The following ZHX2 variants were observed in gnomAD, a reference collection of about 807,000 sequenced individuals.
ZHX2 encodes zinc fingers and homeoboxes 2, also known as zinc fingers and homeoboxes protein 2.
A neutral mutation model predicts 21.9 loss-of-function variants in ZHX2; 6 were observed. That is an observed-to-expected ratio of 0.27 (90% confidence interval 0.15 to 0.54). The LOEUF is 0.54. ZHX2 is among the 20% of genes least tolerant of loss of function. The pLI is 0.95. For synonymous variants in ZHX2, 434 were observed against 437.1 expected, an observed-to-expected ratio of 0.99 and a Z score of 0.09; for missense variants, 908 against 1,090.7, an observed-to-expected ratio of 0.83 and a Z score of 2.36.
chr8:122,857,372 AAAAT>A (rs1476861312), intron 1 of ZHX2, among the ~76,000 whole-genome samples: 1 of 152,018 alleles, frequency 6.6e-6, no homozygotes, highest in Non-Finnish European at 1.5e-5. Context: ...AAAAAAAAAA[AAAAT>A]AGATGCTGCC....
Position 122,828,653 on chromosome 8 carries a change from G to A in ZHX2, c.-282-34824G>A, listed in dbSNP as rs1818311255. On this transcript the variant is annotated intron_variant, in intron 1 of 3. Transcript: ENST00000314393. This position sits in a 1 kb window ranked among gnomAD's most constrained non-coding sequence, Gnocchi z 5.2. Reference sequence around the variant, plus strand: ...GGATGTGCTGGCGGCAGCCCTGGTGGCCATGGGCACTGAGAAGGGACTGCT... The same window carrying A: ...GGATGTGCTGGCGGCAGCCCTGGTGACCATGGGCACTGAGAAGGGACTGCT... Among the ~76,000 whole-genome samples the A allele has an allele frequency of 6.6e-6, 1 of 152,228 alleles. No individual in the cohort carries two copies. The highest frequency in any genetic ancestry group is 2.1e-4 in the South Asian group (1 of 4,826).
At chr8:122,837,522 A>G (rs1330652280) in intron 1 of ZHX2, among the ~76,000 whole-genome samples, 2 of 152,162 alleles carry the variant, frequency 1.3e-5, no homozygotes, top group Non-Finnish European at 2.9e-5. Flanking sequence ...GTGGTCACCT[A>G]CTGGTGACTT....
chr8:122,869,920 A>G (rs1032756748), intron 2 of ZHX2, among the ~76,000 whole-genome samples: 1 of 152,250 alleles, frequency 6.6e-6, no homozygotes, highest in Non-Finnish European at 1.5e-5. Context: ...ACCACAGAGT[A>G]AAAGTGTTAG....
At chr8:122,878,853 G>T (rs556653325) in intron 2 of ZHX2, among the ~76,000 whole-genome samples, 3 of 152,148 alleles carry the variant, frequency 2.0e-5, no homozygotes, top group Non-Finnish European at 4.4e-5. Flanking sequence ...AATTTCTTCT[G>T]CTCTAAGAAC....
chr8:122,886,587 A>G (rs1022351789), intron 2 of ZHX2, among the ~76,000 whole-genome samples: 1 of 152,140 alleles, frequency 6.6e-6, no homozygotes, highest in Non-Finnish European at 1.5e-5. Flanking sequence ...ATTATACGGA[A>G]CCCCTCTGTA....
chr8:122,895,717 C>T (rs1014174705), intron 2 of ZHX2, among the ~76,000 whole-genome samples: 1 of 150,940 alleles, frequency 6.6e-6, no homozygotes, highest in African/African-American at 2.4e-5. Context: ...CAGTCTAAGA[C>T]CCAGGCAATT....
intron 2 of ZHX2, among the ~76,000 whole-genome samples, chr8:122,876,999 T>A (rs1819590067): frequency 6.6e-6 from 1 of 152,178 alleles, no homozygotes; most frequent in African/African-American, 2.4e-5. Flanking sequence ...TTGGTGGGTT[T>A]ATGTGCCAGG....
intron 1 of ZHX2, among the ~76,000 whole-genome samples, chr8:122,817,120 A>G (rs1374559870): frequency 6.6e-6 from 1 of 152,232 alleles, no homozygotes; most frequent in East Asian, 1.9e-4. Flanking sequence ...ACGTGATCGT[A>G]GCTAACTGCA....
intron 2 of ZHX2, among the ~76,000 whole-genome samples, chr8:122,884,924 T>C (rs1017568512): frequency 4.6e-5 from 7 of 152,162 alleles, no homozygotes; most frequent in Non-Finnish European, 7.4e-5. Context: ...TTCAAAAAAA[T>C]GGGAAGCCAT....
At chr8:122,851,205 T>TA (rs925403549) in intron 1 of ZHX2, among the ~76,000 whole-genome samples, 2 of 151,596 alleles carry the variant, frequency 1.3e-5, no homozygotes, top group Non-Finnish European at 3.0e-5. Context: ...GATTTATGGA[T>TA]AAAATGAAGT....
rs749783061 is a variant in ZHX2, at chr8:122,953,531, G to A, written c.2021G>A (p.Arg674His). The change falls in exon 3 of 4, where the codon CGT becomes CAT. Residue 674 changes from arginine (R) to histidine (H), a missense_variant. Physicochemically the swap from Arg to His is conservative, Grantham distance 29 (BLOSUM62 0). Transcript: ENST00000314393. This position sits in a 1 kb window ranked among gnomAD's most constrained non-coding sequence, Gnocchi z 4.6. ...GGCCTGGTCCGAACTGAGATTGTGC[G>A]TTGGTTCAAGGAGAACAGATGCTTG... ...KTGLVRTEIVRWFKENRCLLK... is the reference protein window; with the variant it reads ...KTGLVRTEIVHWFKENRCLLK... 18 of 1,614,120 alleles carry A rather than the reference G, an allele frequency of 1.1e-5. No individual in the cohort carries two copies. Among genetic ancestry groups the A allele is most frequent in the Admixed American group, 1.7e-5 (1 of 60,006 alleles).
intron 1 of ZHX2, among the ~76,000 whole-genome samples, chr8:122,799,308 C>T (rs1472724355): frequency 6.6e-6 from 1 of 152,162 alleles, no homozygotes; most frequent in Non-Finnish European, 1.5e-5. Context: ...TCCTCCGTCA[C>T]AGAGAAAGAA....
rs767842442 is a variant in ZHX2, at chr8:122,952,080, A to G, written c.570A>G (p.Gly190=). The G allele has an allele frequency of 1.1e-5, 18 of 1,613,632 alleles. No individual in the cohort carries two copies. Among genetic ancestry groups the G allele is most frequent in the Non-Finnish European group, 1.1e-5 (13 of 1,179,958 alleles). The change falls in exon 3 of 4, where the codon GGA becomes GGG. Residue 190 remains glycine (G), a synonymous_variant. Coordinates refer to ENST00000314393, the MANE Select transcript of ZHX2 (RefSeq NM_014943.5). The surrounding 1 kb of genome is among the most constrained non-coding windows in gnomAD (Gnocchi z 6.9). ...SVSKTPIMKP[G]KPKADAKKVP... Reference sequence around the variant, plus strand: ...GTAAAACCCCCATCATGAAGCCTGGAAAACCAAAAGCGGATGCCAAGAAGG... The same window carrying G: ...GTAAAACCCCCATCATGAAGCCTGGGAAACCAAAAGCGGATGCCAAGAAGG...
chr8:122,815,198 G>A (rs530461423), intron 1 of ZHX2, among the ~76,000 whole-genome samples: 5 of 152,202 alleles, frequency 3.3e-5, no homozygotes, highest in South Asian at 4.2e-4. Flanking sequence ...TACGTACCAC[G>A]GGCCAGGCAC....
intron 1 of ZHX2, among the ~76,000 whole-genome samples, chr8:122,842,083 A>G (rs200676436): frequency 3.3e-5 from 5 of 152,250 alleles, no homozygotes; most frequent in African/African-American, 4.8e-5. Context: ...TGAGAAGGGC[A>G]CTGGCTTTGG....
chr8:122,939,186 G>A (rs1056410101), intron 2 of ZHX2, among the ~76,000 whole-genome samples: 2 of 152,196 alleles, frequency 1.3e-5, no homozygotes, highest in Non-Finnish European at 2.9e-5. Flanking sequence ...GCCCTTTGAT[G>A]TGGCTACCAT....
At chr8:122,792,569 A>G (rs929277978) in intron 1 of ZHX2, among the ~76,000 whole-genome samples, 1 of 152,202 alleles carries the variant, frequency 6.6e-6, no homozygotes, top group African/African-American at 2.4e-5. Context: ...AAGTGGATGC[A>G]TCATTTTTAT....
intron 3 of ZHX2, among the ~76,000 whole-genome samples, chr8:122,955,074 G>GGC (rs1813261492): frequency 1.5e-5 from 2 of 134,982 alleles, no homozygotes; most frequent in African/African-American, 5.6e-5. Flanking sequence ...TAAGCCGGGG[G>GGC]GGGGGGGGTG....
At chr8:122,817,745 C>T (rs1390294230) in intron 1 of ZHX2, among the ~76,000 whole-genome samples, 1 of 152,212 alleles carries the variant, frequency 6.6e-6, no homozygotes, top group African/African-American at 2.4e-5. Flanking sequence ...TTTGGACACC[C>T]ATTATCCTAC....
Sources: allele counts gnomAD v4.1 joint callset (sites outside exome capture counted in the v4.1 genomes callset), GRCh38; gene constraint gnomAD v4.1.1; non-coding constraint Gnocchi (gnomAD v3.1); transcripts MANE v1.5; gene names NCBI Gene and HGNC (gene_info 2026-07-23, HGNC 2026-07-21).